The following ITGB1BP1 variants were observed in gnomAD, a reference collection of about 807,000 sequenced individuals.
ITGB1BP1 encodes integrin subunit beta 1 binding protein 1, also known as integrin beta-1-binding protein 1.
ITGB1BP1 carries 20 observed loss-of-function variants against 28.0 expected under a neutral mutation model. The observed-to-expected ratio is 0.71, with a 90% CI of 0.50 to 1.04. ITGB1BP1 has a LOEUF of 1.04. ITGB1BP1 is among the 50% of genes least tolerant of loss of function. The pLI, the probability that ITGB1BP1 is intolerant of heterozygous loss-of-function variation, is 0.00. For synonymous variants in ITGB1BP1, 103 were observed against 89.5 expected, an observed-to-expected ratio of 1.15 and a Z score of -0.85; for missense variants, 228 against 242.5, an observed-to-expected ratio of 0.94 and a Z score of 0.40.
chr2:9,422,141 C>T (rs565150146), intron 1 of ITGB1BP1, among the ~76,000 whole-genome samples: 1 of 152,322 alleles, frequency 6.6e-6, no homozygotes, highest in Admixed American at 6.5e-5. Context: ...CCTTGTCCTA[C>T]TGGATTCCCT....
At chr2:9,409,212 T>C (rs1200446250) in intron 4 of ITGB1BP1, among the ~76,000 whole-genome samples, 3 of 152,262 alleles carry the variant, frequency 2.0e-5, no homozygotes, top group African/African-American at 7.2e-5. Flanking sequence ...TAAGACGCTG[T>C]TGGCAACCTA....
Position 9,405,823 on chromosome 2 carries a change from A to C in ITGB1BP1, c.*1011T>G, listed in dbSNP as rs1677202187. 1 of 152,206 alleles carries C rather than the reference A, an allele frequency of 6.6e-6. No homozygotes were observed. Among genetic ancestry groups the C allele is most frequent in the Non-Finnish European group, 1.5e-5 (1 of 68,044 alleles). 9.4% of individuals were successfully genotyped at this position (152,206 alleles called of 1,614,324 possible). On this transcript the variant is annotated 3_prime_UTR_variant, in exon 7 of 7. Transcript: ENST00000355346. ...CTTTTAAGGTTCTCTTAACTCTAGG[A>C]ATTGTGGTTGGCCAGCATGTTATCT...
rs1390802818 is a variant in ITGB1BP1, at chr2:9,405,367, AT to A, written c.*1466del. ...TGAACTGCAGCTGCAGGATTCTGGCATTTTGCATGCCATTCTCCATCAGATC... is the reference window on the plus strand; with the variant it reads ...TGAACTGCAGCTGCAGGATTCTGGCATTTGCATGCCATTCTCCATCAGATC... On this transcript the variant is annotated 3_prime_UTR_variant, in exon 7 of 7. Coordinates refer to ENST00000355346, the MANE Select transcript of ITGB1BP1 (RefSeq NM_004763.5). 6.6e-6 allele frequency: 1 copy of A among 152,626 alleles called. No individual in the cohort carries two copies. The highest frequency in any genetic ancestry group is 2.4e-5 in the African/African-American group (1 of 41,456). The allele number at this position is 152,626 out of a possible 1,614,324, so 9.5% of individuals were successfully genotyped here.
chr2:9,421,960 G>C (rs1431244377), intron 1 of ITGB1BP1, among the ~76,000 whole-genome samples: 1 of 152,090 alleles, frequency 6.6e-6, no homozygotes, highest in Non-Finnish European at 1.5e-5. Flanking sequence ...AGAGCTCTCT[G>C]AGCCAGCTCT....
intron 2 of ITGB1BP1, among the ~76,000 whole-genome samples, chr2:9,417,923 T>G (rs1226523358): frequency 1.3e-5 from 2 of 152,194 alleles, no homozygotes; most frequent in African/African-American, 4.8e-5. Flanking sequence ...ACTGCTCTAT[T>G]TTATGCCCCT....
chr2:9,419,170 T>C (rs1679498923), intron 1 of ITGB1BP1, among the ~76,000 whole-genome samples: 1 of 152,248 alleles, frequency 6.6e-6, no homozygotes, highest in South Asian at 2.1e-4. Context: ...ACTATTCCTT[T>C]TCATTCTTTC....
At chr2:9,407,040 C>T (rs111626148) in intron 6 of ITGB1BP1, 135 bp from the exon 7 acceptor site, 76 of 699,958 alleles carry the variant, frequency 1.1e-4, no homozygotes, top group Admixed American at 2.4e-4. Flanking sequence ...CTGCCTGGGT[C>T]AGTGGAACCC....
chr2:9,408,049 CT>C lies in ITGB1BP1; in HGVS notation c.381+63del. 4 of 869,246 alleles carry C rather than the reference CT, an allele frequency of 4.6e-6. No individual in the cohort carries two copies. In the South Asian group the frequency reaches 6.0e-5, roughly 13 times the overall value. The allele number at this position is 869,246 out of a possible 1,614,324, so 53.8% of individuals were successfully genotyped here. On this transcript the variant is annotated intron_variant, in intron 5 of 6. Transcript: ENST00000355346. ...AGGAGTGGCCCTAATTATAAGGGGGCTCTTAATGGCCTGAATTCCCTGTTAT... is the reference window on the plus strand; with the variant it reads ...AGGAGTGGCCCTAATTATAAGGGGGCCTTAATGGCCTGAATTCCCTGTTAT...
chr2:9,419,454 A>AT (rs1203561735), intron 1 of ITGB1BP1, among the ~76,000 whole-genome samples: 1 of 152,158 alleles, frequency 6.6e-6, no homozygotes. Context: ...AGAAATGTGC[A>AT]TTTTTCTTGA....
At position 9,403,509 on chromosome 2, in the gene ITGB1BP1, G is replaced by T; in HGVS notation, c.*3325C>A. ...ATCAGTAATTGTTTTTATAATTTGT[G>T]GTTTTCATGAAACATTGCTATGCAT... On this transcript the variant is annotated 3_prime_UTR_variant, in exon 7 of 7. Coordinates refer to ENST00000355346, the MANE Select transcript of ITGB1BP1 (RefSeq NM_004763.5). 2 of 557,272 alleles carry T rather than the reference G, an allele frequency of 3.6e-6. No homozygotes were observed. The highest frequency in any genetic ancestry group is 2.7e-5 in the South Asian group (1 of 37,236). 34.5% of individuals were successfully genotyped at this position (557,272 alleles called of 1,614,324 possible).
At chr2:9,412,476 C>G (rs989357650) in intron 3 of ITGB1BP1, 71 bp from the exon 4 acceptor site, 2 of 1,305,298 alleles carry the variant, frequency 1.5e-6, no homozygotes, top group African/African-American at 3.0e-5. Flanking sequence ...CAGTCCCTTC[C>G]CAAATAAAAA....
intron 1 of ITGB1BP1, among the ~76,000 whole-genome samples, chr2:9,419,321 T>C (rs1289648894): frequency 6.6e-6 from 1 of 152,220 alleles, no homozygotes; most frequent in Admixed American, 6.5e-5. Context: ...TTCTCTTCAA[T>C]TGAGTCAAGA....
rs1677449886 is a variant in ITGB1BP1, at chr2:9,406,813, A to ACTT, written c.*18_*20dup. On this transcript the variant is annotated 3_prime_UTR_variant, in exon 7 of 7. Transcript: ENST00000355346. ...ACAGCTGAACTTTCAGATGAAGTTG[A>ACTT]CTTCTACTTGATTGCAGGATTCAGG... 6.5e-7 allele frequency: 1 copy of ACTT among 1,547,056 alleles called. No individual in the cohort carries two copies. The highest frequency in any genetic ancestry group is 1.4e-5 in the African/African-American group (1 of 73,700).
chr2:9,408,622 G>A lies in ITGB1BP1; in HGVS notation c.289-417C>T, dbSNP rs576685128. Among the ~76,000 whole-genome samples the A allele has an allele frequency of 7.2e-5, 11 of 152,264 alleles. No individual in the cohort carries two copies. The South Asian group carries it at 1.2e-3, about 17-fold the overall frequency. The stretch of plus-strand genomic sequence containing the variant: ...CCCAAAGTGCAGGGATTACAGGCAT[G>A]AGCCACCATGTGGGCCAATTTATTT... On this transcript the variant is annotated intron_variant, in intron 4 of 6. Transcript: ENST00000355346.
Position 9,418,510 on chromosome 2 carries a change from C to G in ITGB1BP1, c.72+116G>C. 3.9e-6 allele frequency: 3 copies of G among 766,380 alleles called. No individual in the cohort carries two copies. The South Asian group carries it at 4.5e-5, about 12-fold the overall frequency. 47.5% of individuals were successfully genotyped at this position (766,380 alleles called of 1,614,324 possible). Reference sequence around the variant, plus strand: ...TGCAAAAAGTAAATGTTAAAACACACTAGTTTGAAGATTATCAGGAGATCT... The same window carrying G: ...TGCAAAAAGTAAATGTTAAAACACAGTAGTTTGAAGATTATCAGGAGATCT... On this transcript the variant is annotated intron_variant, in intron 2 of 6. Coordinates refer to ENST00000355346, the MANE Select transcript of ITGB1BP1 (RefSeq NM_004763.5).
chr2:9,422,597 C>T (rs1680029958), intron 1 of ITGB1BP1: 1 of 985,524 alleles, frequency 1.0e-6, no homozygotes, highest in Non-Finnish European at 1.2e-6. Flanking sequence ...TCTCTGATCT[C>T]ACTCTCCCAG....
At chr2:9,408,800 C>T (rs190916433) in intron 4 of ITGB1BP1, among the ~76,000 whole-genome samples, 1 of 152,360 alleles carries the variant, frequency 6.6e-6, no homozygotes, top group African/African-American at 2.4e-5. Flanking sequence ...GCCCACAACT[C>T]TGAGCAAAAT....
At chr2:9,407,039 T>G (rs1449584627) in intron 6 of ITGB1BP1, 134 bp from the exon 7 acceptor site, 6 of 707,172 alleles carry the variant, frequency 8.5e-6, no homozygotes, top group South Asian at 1.6e-5. Context: ...CCTGCCTGGG[T>G]CAGTGGAACC....
At chr2:9,422,248 C>T (rs1679975547) in intron 1 of ITGB1BP1, among the ~76,000 whole-genome samples, 1 of 152,246 alleles carries the variant, frequency 6.6e-6, no homozygotes, top group African/African-American at 2.4e-5. Flanking sequence ...AAATCTTTCA[C>T]TGGTTCTCCA....
Sources: gnomAD v4.1 joint callset for allele counts (sites outside exome capture counted in the v4.1 genomes callset) on GRCh38, gnomAD v4.1.1 for gene constraint, MANE v1.5 for transcripts, NCBI Gene and HGNC (gene_info 2026-07-23, HGNC 2026-07-21) for gene names.